The following NOS1 variants were observed in gnomAD, a reference collection of about 807,000 sequenced individuals.
NOS1 encodes the protein nitric oxide synthase 1, also known as NOS type I.
In NOS1, 51 loss-of-function variants were observed where a neutral mutation model predicts 164.5. The ratio of observed to expected loss-of-function variants is 0.31; its 90% CI spans 0.25 to 0.39. The LOEUF (loss-of-function observed/expected upper bound fraction) is 0.39, where lower values mean the gene tolerates loss of function less well. NOS1 is among the 10% of genes least tolerant of loss of function. NOS1 has a pLI of 1.00. For synonymous variants in NOS1, 719 were observed against 745.8 expected, an observed-to-expected ratio of 0.96 and a Z score of 0.59; for missense variants, 1,362 against 1,885.6, an observed-to-expected ratio of 0.72 and a Z score of 5.14.
intron 1 of NOS1, among the ~76,000 whole-genome samples, chr12:117,340,953 A>T (rs181999195): frequency 9.5e-5 from 13 of 136,502 alleles, no homozygotes; most frequent in African/African-American, 3.7e-4. Flanking sequence ...TCGAACTCCT[A>T]TCCTCAAGTG....
At chr12:117,358,345 T>A (rs34266766) in intron 1 of NOS1, among the ~76,000 whole-genome samples, 23,027 of 151,818 alleles carry the variant, frequency 0.15, 2,215 homozygotes, top group Admixed American at 0.22. Flanking sequence ...CTCTCACTCT[T>A]CTCCGTGCGG....
chr12:117,320,058 C>T (rs1363024944), intron 2 of NOS1, among the ~76,000 whole-genome samples: 1 of 152,192 alleles, frequency 6.6e-6, no homozygotes, highest in Non-Finnish European at 1.5e-5. Flanking sequence ...CCAGTGAGAC[C>T]TCATAGGGAT....
chr12:117,221,599 T>G (rs560259437), intron 26 of NOS1, among the ~76,000 whole-genome samples: 4 of 151,782 alleles, frequency 2.6e-5, no homozygotes, highest in Non-Finnish European at 4.4e-5. Context: ...TTGTTTTTTT[T>G]AATTTCTGTT....
intron 1 of NOS1, among the ~76,000 whole-genome samples, chr12:117,340,066 G>A (rs763335420): frequency 1.3e-5 from 2 of 152,094 alleles, no homozygotes; most frequent in Admixed American, 6.5e-5. Flanking sequence ...GGGCAGTGGT[G>A]TAATAACAGC....
At position 117,213,251 on chromosome 12, in the gene NOS1, C is replaced by T. The variant is rs531445428; in HGVS notation, c.*2058G>A. The T allele has an allele frequency of 1.0e-6, 1 of 985,352 alleles. No individual in the cohort carries two copies. The highest frequency in any genetic ancestry group is 1.7e-5 in the African/African-American group (1 of 57,314). The allele number at this position is 985,352 out of a possible 1,614,324, so 61.0% of individuals were successfully genotyped here. On this transcript the variant is annotated 3_prime_UTR_variant, in exon 29 of 29. Coordinates refer to ENST00000317775, the MANE Select transcript of NOS1 (RefSeq NM_000620.5). The stretch of plus-strand genomic sequence containing the variant: ...TCCCTGGGGAATTGGGGAGGCGTCT[C>T]CAAAGCTATAAAGGATTGGAAAGAA...
chr12:117,210,744 G>C lies in NOS1; in HGVS notation c.*4565C>G, dbSNP rs761313431. ...CAGGCAGCTGCTGAAAGCGTGTTTG[G>C]TCAGAAGATTCTGTGTTCTTAGCCA... On this transcript the variant is annotated 3_prime_UTR_variant, in exon 29 of 29. Coordinates refer to ENST00000317775, the MANE Select transcript of NOS1 (RefSeq NM_000620.5). 8.4e-4 allele frequency: 830 copies of C among 985,214 alleles called. 1 individual carries two copies. The highest frequency in any genetic ancestry group is 9.8e-4 in the Non-Finnish European group (815 of 829,970). 61.0% of individuals were successfully genotyped at this position (985,214 alleles called of 1,614,324 possible).
At chr12:117,224,939 T>C in intron 25 of NOS1, 77 bp downstream of exon 25, 2 of 1,595,312 alleles carry the variant, frequency 1.3e-6, no homozygotes, top group Non-Finnish European at 1.7e-6. Flanking sequence ...TTCACTGTTC[T>C]CTAGGGCTGC....
chr12:117,352,744 G>A (rs1876681328), intron 1 of NOS1, among the ~76,000 whole-genome samples: 1 of 152,164 alleles, frequency 6.6e-6, no homozygotes, highest in Non-Finnish European at 1.5e-5. Context: ...GTGTTCATGA[G>A]TGTGCGTATA....
chr12:117,278,073 G>A lies in NOS1; in HGVS notation c.1550C>T (p.Pro517Leu), dbSNP rs1219636809. 6 of 1,613,594 alleles carry A rather than the reference G, an allele frequency of 3.7e-6. No individual in the cohort carries two copies. Among genetic ancestry groups the A allele is most frequent in the Non-Finnish European group, 4.2e-6 (5 of 1,179,852 alleles). Residue 517 changes from proline to leucine, a missense_variant, in exon 9 of 29, where the codon CCG becomes CTG. Transcript: ENST00000317775. ...TEICIQQGWKPPRGRFDVLPL... is the reference protein window; with the variant it reads ...TEICIQQGWKLPRGRFDVLPL... ...CAGGACATCGAAGCGGCCTCTAGGCGGTTTCCAGCCCTGCTGTATGCATAT... is the reference window on the plus strand; with the variant it reads ...CAGGACATCGAAGCGGCCTCTAGGCAGTTTCCAGCCCTGCTGTATGCATAT...
chr12:117,346,456 G>C (rs1876354725), intron 1 of NOS1, among the ~76,000 whole-genome samples: 1 of 152,214 alleles, frequency 6.6e-6, no homozygotes. Flanking sequence ...GGACCACAGA[G>C]CGAGACTCTG....
intron 17 of NOS1, among the ~76,000 whole-genome samples, chr12:117,251,027 A>G (rs1466014489): frequency 2.0e-5 from 3 of 152,146 alleles, no homozygotes; most frequent in Admixed American, 6.5e-5. Flanking sequence ...CTAACCCCCA[A>G]TGTCATGGTA....
chr12:117,361,246 C>T (rs921529344), intron 1 of NOS1, among the ~76,000 whole-genome samples: 3 of 152,058 alleles, frequency 2.0e-5, no homozygotes, highest in Admixed American at 2.0e-4. Flanking sequence ...GTTCTGAATC[C>T]TCCGAGTCCG....
chr12:117,328,800 G>A (rs902406532), intron 2 of NOS1, among the ~76,000 whole-genome samples: 4 of 152,160 alleles, frequency 2.6e-5, no homozygotes, highest in Non-Finnish European at 4.4e-5. Context: ...GCTTAATGAC[G>A]GGGACACATT....
chr12:117,288,352 C>G, intron 4 of NOS1, 133 bp from the exon 5 acceptor site: 10 of 755,006 alleles, frequency 1.3e-5, no homozygotes, highest in Middle Eastern at 4.0e-4. Context: ...TTCTCAAGTA[C>G]CAGCTTCAAA....
At chr12:117,318,301 T>C (rs909199483) in intron 2 of NOS1, among the ~76,000 whole-genome samples, 5 of 152,096 alleles carry the variant, frequency 3.3e-5, no homozygotes, top group Admixed American at 2.0e-4. Flanking sequence ...GGGAGACCCA[T>C]TTCCCTGGGA....
At chr12:117,323,223 G>T (rs1028509983) in intron 2 of NOS1, among the ~76,000 whole-genome samples, 6 of 152,220 alleles carry the variant, frequency 3.9e-5, no homozygotes, top group Non-Finnish European at 8.8e-5. Context: ...CCCTCCTGTT[G>T]CTTGAATGAA....
At chr12:117,333,785 G>A (rs1433462961) in intron 1 of NOS1, among the ~76,000 whole-genome samples, 1 of 152,138 alleles carries the variant, frequency 6.6e-6, no homozygotes, top group Non-Finnish European at 1.5e-5. Context: ...TCTTGCTGCT[G>A]GGTTCTGGTT....
In NOS1 at chr12:117,280,752, C is replaced by G; in HGVS notation, c.1497G>C (p.Gly499=). The G allele has an allele frequency of 2.5e-6, 4 of 1,614,144 alleles. No individual in the cohort carries two copies. Among genetic ancestry groups the G allele is most frequent in the Non-Finnish European group, 3.4e-6 (4 of 1,180,014 alleles). The part of the protein sequence containing the change: ...GYKQPDGSTL[G]DPANVQFTEI... ...CTGTGAACTGCACATTGGCTGGGTC[C>G]CCCAGGGTGGAGCCGTCAGGCTGCT... Residue 499 remains glycine (G), a synonymous_variant, in exon 8 of 29, where the codon GGG becomes GGC. Transcript: ENST00000317775.
chr12:117,341,735 C>A (rs1446440025), intron 1 of NOS1, among the ~76,000 whole-genome samples: 1 of 152,146 alleles, frequency 6.6e-6, no homozygotes, highest in African/African-American at 2.4e-5. Flanking sequence ...GCTAGAAAAA[C>A]CAGGGTTTGT....
Sources: allele counts gnomAD v4.1 joint callset (sites outside exome capture counted in the v4.1 genomes callset), GRCh38; gene constraint gnomAD v4.1.1; transcripts MANE v1.5; gene names NCBI Gene and HGNC (gene_info 2026-07-23, HGNC 2026-07-21).